The following FGF13 variants were observed in gnomAD, a reference collection of about 807,000 sequenced individuals.
The protein encoded by FGF13 is fibroblast growth factor homologous factor 2.
FGF13 carries 2 observed loss-of-function variants against 19.5 expected under a neutral mutation model. The observed-to-expected ratio is 0.10, with a 90% CI of 0.04 to 0.32. FGF13 has a LOEUF of 0.32. Among genes scored for constraint, FGF13 ranks in the 10% least tolerant of loss-of-function variants. FGF13 has a pLI of 1.00. For synonymous variants in FGF13, 72 were observed against 76.9 expected (o/e 0.94, Z 0.33); for missense variants, 113 against 192.7 (o/e 0.59, Z 2.45).
intron 1 of FGF13, among the ~76,000 whole-genome samples, chrX:139,129,176 C>G (rs1394722716): frequency 4.5e-5 from 4 of 89,528 alleles, no homozygotes; most frequent in Admixed American, 3.5e-4. Flanking sequence ...CACACACACA[C>G]ACACATGTGT....
intron 3 of FGF13, among the ~76,000 whole-genome samples, chrX:138,655,004 G>A (rs1472963790): frequency 9.0e-6 from 1 of 111,361 alleles, no homozygotes; most frequent in Non-Finnish European, 1.9e-5. Flanking sequence ...TGAGGAGTGA[G>A]GCTGCTCCTC....
At chrX:139,204,008 G>C (rs2084441831), upstream of FGF13, 3 of 1,173,296 alleles carry the variant, frequency 2.6e-6, no homozygotes, top group Admixed American at 2.2e-5. Context: ...ACGCGAGGGG[G>C]CGAGGGAAAC....
At chrX:138,712,978 G>A (rs956532302), upstream of FGF13, among the ~76,000 whole-genome samples, 3 of 112,302 alleles carry the variant, frequency 2.7e-5, no homozygotes, top group Admixed American at 9.4e-5. Flanking sequence ...TTGCTTCACA[G>A]GGGAAGCTGT....
chrX:138,871,277 C>A (rs1231345872), intron 1 of FGF13, among the ~76,000 whole-genome samples: 2 of 112,134 alleles, frequency 1.8e-5, no homozygotes, highest in Non-Finnish European at 3.8e-5. Context: ...CATTCCTTCT[C>A]ATCTCACTAC....
chrX:139,102,302 A>C (rs2083520845), intron 1 of FGF13, among the ~76,000 whole-genome samples: 1 of 111,458 alleles, frequency 9.0e-6, no homozygotes, highest in African/African-American at 3.3e-5. Context: ...TACGAACCTT[A>C]ATTTCCTCAT....
intron 1 of FGF13, among the ~76,000 whole-genome samples, chrX:139,124,748 T>G (rs1411977219): frequency 8.9e-6 from 1 of 112,380 alleles, no homozygotes; most frequent in Non-Finnish European, 1.9e-5. Flanking sequence ...AGCATCTCTA[T>G]GGAGTGCAGT....
rs2089071222 is a variant in FGF13 at position 138,627,240 on chromosome X, T to C, written c.*5610A>G. On this transcript the variant is annotated 3_prime_UTR_variant, in exon 5 of 5. Coordinates refer to ENST00000315930, the MANE Select transcript of FGF13 (RefSeq NM_004114.5). ...AGTATTTAAGGTCATAAATATCTACTGTGCCAACAAGCTGAGTGATTGACT... is the reference window on the plus strand; with the variant it reads ...AGTATTTAAGGTCATAAATATCTACCGTGCCAACAAGCTGAGTGATTGACT... 1 of 111,958 alleles carries C rather than the reference T, an allele frequency of 8.9e-6. No homozygotes were observed. The highest frequency in any genetic ancestry group is 2.8e-4 in the East Asian group (1 of 3,591). The allele number at this position is 111,958 out of a possible 1,213,427, so 9.2% of individuals were successfully genotyped here.
intron 1 of FGF13, among the ~76,000 whole-genome samples, chrX:139,141,515 G>T (rs1425334422): frequency 1.8e-5 from 2 of 111,738 alleles, no homozygotes. Context: ...CACTCTGTCT[G>T]CTCCAGCCCT....
At chrX:138,751,120 A>G (rs1366563725) in intron 3 of FGF13, among the ~76,000 whole-genome samples, 1 of 111,526 alleles carries the variant, frequency 9.0e-6, no homozygotes, top group East Asian at 2.8e-4. Context: ...TCATTAGAAG[A>G]TGACAACCTT....
At chrX:139,054,326 T>C (rs898271795) in intron 1 of FGF13, among the ~76,000 whole-genome samples, 3 of 109,506 alleles carry the variant, frequency 2.7e-5, no homozygotes, top group African/African-American at 1.0e-4. Flanking sequence ...GGTTTCACCA[T>C]GTTAGCCAGG....
At chrX:139,027,997 A>C (rs2092207409) in intron 1 of FGF13, among the ~76,000 whole-genome samples, 2 of 111,598 alleles carry the variant, frequency 1.8e-5, no homozygotes, top group Admixed American at 9.6e-5. Flanking sequence ...GTTCTAAGGC[A>C]GACAGTGTCA....
chrX:139,033,027 C>CAA (rs758766077), intron 1 of FGF13, among the ~76,000 whole-genome samples: 1,116 of 27,251 alleles, frequency 0.041, 228 homozygotes, highest in African/African-American at 0.055. Context: ...TCTGATTATC[C>CAA]AAAAAAAAAA....
At chrX:139,014,417 AAG>A (rs2092144329) in intron 1 of FGF13, among the ~76,000 whole-genome samples, 1 of 111,770 alleles carries the variant, frequency 8.9e-6, no homozygotes, top group East Asian at 2.8e-4. Context: ...GAGATGAAAA[AAG>A]AGATGTTACA....
At chrX:138,984,608 G>T (rs1407043781) in intron 1 of FGF13, among the ~76,000 whole-genome samples, 1 of 56,578 alleles carries the variant, frequency 1.8e-5, no homozygotes, top group Non-Finnish European at 3.6e-5. Flanking sequence ...AGGAGGAGGA[G>T]GAGGAGGATG....
intron 3 of FGF13, among the ~76,000 whole-genome samples, chrX:138,846,708 C>T (rs996613499): frequency 1.9e-4 from 21 of 112,249 alleles, no homozygotes; most frequent in African/African-American, 5.8e-4. Context: ...TTCTTTATAG[C>T]AGTGTGAGAA....
At chrX:139,105,238 C>A (rs920589190) in intron 1 of FGF13, among the ~76,000 whole-genome samples, 3 of 111,088 alleles carry the variant, frequency 2.7e-5, no homozygotes, top group Non-Finnish European at 5.7e-5. Flanking sequence ...CAATTGACAT[C>A]TATAGACCAT....
intron 1 of FGF13, among the ~76,000 whole-genome samples, chrX:139,112,455 T>TA (rs1277165031): frequency 8.9e-6 from 1 of 111,779 alleles, no homozygotes; most frequent in Non-Finnish European, 1.9e-5. Context: ...TCATATTAAA[T>TA]AAAAAATCAC....
chrX:139,145,949 A>G (rs1381955117), intron 1 of FGF13, among the ~76,000 whole-genome samples: 2 of 111,634 alleles, frequency 1.8e-5, no homozygotes, highest in Admixed American at 1.9e-4. Context: ...CTTTCCTTAC[A>G]CCTTATACAA....
At chrX:139,073,139 C>T (rs1268865108) in intron 1 of FGF13, among the ~76,000 whole-genome samples, 1 of 104,362 alleles carries the variant, frequency 9.6e-6, no homozygotes, top group South Asian at 4.9e-4. Flanking sequence ...TTTTTCCCCC[C>T]CCCCTTTTCT....
Sources: gnomAD v4.1 joint callset for allele counts (sites outside exome capture counted in the v4.1 genomes callset) on GRCh38, gnomAD v4.1.1 for gene constraint, MANE v1.5 for transcripts, NCBI Gene and HGNC (gene_info 2026-07-23, HGNC 2026-07-21) for gene names.